PRLR: variants seen among roughly 807,000 people sequenced by gnomAD.
PRLR encodes prolactin receptor.
A neutral mutation model predicts 40.2 loss-of-function variants in PRLR; 13 were observed. That is an observed-to-expected ratio of 0.32 (90% CI 0.21 to 0.51). PRLR has a LOEUF of 0.51. Among genes scored for constraint, PRLR ranks in the 20% least tolerant of loss-of-function variants. The probability of loss-of-function intolerance (pLI) is 0.97; values close to 1 mark genes in which losing one functional copy is unlikely to be tolerated. For synonymous variants in PRLR, 269 were observed against 278.7 expected, an observed-to-expected ratio of 0.97 and a Z score of 0.35; for missense variants, 656 against 747.3, an observed-to-expected ratio of 0.88 and a Z score of 1.42.
At chr5:35,229,114 ATT>A (rs1776626325) in intron 1 of PRLR, among the ~76,000 whole-genome samples, 1 of 147,836 alleles carries the variant, frequency 6.8e-6, no homozygotes, top group South Asian at 2.1e-4. Flanking sequence ...TTATATATAT[ATT>A]ATATATATTT....
At chr5:35,096,258 A>G (rs1215397031) in intron 2 of PRLR, among the ~76,000 whole-genome samples, 1 of 152,370 alleles carries the variant, frequency 6.6e-6, no homozygotes, top group East Asian at 1.9e-4. Context: ...TATTGCTTCC[A>G]AATCTAATCA....
chr5:35,136,115 T>C (rs886510714), intron 1 of PRLR, among the ~76,000 whole-genome samples: 2 of 152,166 alleles, frequency 1.3e-5, no homozygotes, highest in East Asian at 3.8e-4. Flanking sequence ...AGAATGAACA[T>C]AGAATACAAC....
chr5:35,224,788 G>T (rs555006368), intron 1 of PRLR, among the ~76,000 whole-genome samples: 1 of 152,296 alleles, frequency 6.6e-6, no homozygotes, highest in South Asian at 2.1e-4. Flanking sequence ...CAGAATCCAG[G>T]TCTTTGCTCT....
intron 2 of PRLR, among the ~76,000 whole-genome samples, chr5:35,109,911 T>G (rs966818756): frequency 1.3e-5 from 2 of 152,190 alleles, no homozygotes; most frequent in African/African-American, 4.8e-5. Flanking sequence ...TAAAGACACA[T>G]GCACACATAT....
chr5:35,194,845 A>G (rs1439350494), intron 1 of PRLR, among the ~76,000 whole-genome samples: 5 of 152,236 alleles, frequency 3.3e-5, no homozygotes, highest in African/African-American at 4.8e-5. Context: ...GTCATTATAC[A>G]TTTGTTAAAA....
intron 2 of PRLR, among the ~76,000 whole-genome samples, chr5:35,095,417 G>C (rs1771471923): frequency 6.6e-6 from 1 of 152,202 alleles, no homozygotes; most frequent in Non-Finnish European, 1.5e-5. Context: ...CTTACAGCCA[G>C]CATAGTTTTC....
chr5:35,166,347 C>T (rs932598139), intron 1 of PRLR, among the ~76,000 whole-genome samples: 1 of 152,122 alleles, frequency 6.6e-6, no homozygotes, highest in African/African-American at 2.4e-5. Context: ...CTTTGGATAG[C>T]ATGGCTTGTT....
Position 35,056,276 on chromosome 5 carries a change from C to A in PRLR, c.*8813G>T, listed in dbSNP as rs1303082605. On this transcript the variant is annotated 3_prime_UTR_variant, in exon 10 of 10. Transcript: ENST00000618457. ...TTGGGACTTCCAAGGTAGAATACAT[C>A]TGACAATATCAAAAACAGACTCAGT... is the stretch of plus-strand genomic sequence containing the variant. The A allele has an allele frequency of 1.3e-5, 2 of 152,082 alleles. No homozygotes were observed. The highest frequency in any genetic ancestry group is 2.9e-5 in the Non-Finnish European group (2 of 68,024). The allele number at this position is 152,082 out of a possible 1,614,324, so 9.4% of individuals were successfully genotyped here.
intron 1 of PRLR, among the ~76,000 whole-genome samples, chr5:35,167,178 T>TATCTATCTATC (rs1161076002): frequency 3.3e-5 from 5 of 149,972 alleles, no homozygotes; most frequent in African/African-American, 9.7e-5. Flanking sequence ...TCTATCTATC[T>TATCTATCTATC]ATCTATCTAT....
intron 1 of PRLR, among the ~76,000 whole-genome samples, chr5:35,193,406 A>G (rs1406790146): frequency 2.6e-5 from 4 of 152,320 alleles, no homozygotes; most frequent in Middle Eastern, 6.8e-3. Flanking sequence ...AAAGCACTCT[A>G]TCATCTTACT....
intron 1 of PRLR, among the ~76,000 whole-genome samples, chr5:35,157,510 G>A (rs903580323): frequency 6.6e-6 from 1 of 152,142 alleles, no homozygotes; most frequent in African/African-American, 2.4e-5. Flanking sequence ...GGTTGCTTAT[G>A]CCATATTCAA....
intron 1 of PRLR, among the ~76,000 whole-genome samples, chr5:35,220,297 A>G (rs1268503873): frequency 6.6e-6 from 1 of 152,032 alleles, no homozygotes; most frequent in Non-Finnish European, 1.5e-5. Context: ...TCCAGCCACA[A>G]TGGTCTCATT....
intron 1 of PRLR, among the ~76,000 whole-genome samples, chr5:35,227,951 C>T (rs1776592241): frequency 1.3e-5 from 2 of 152,204 alleles, no homozygotes; most frequent in Non-Finnish European, 1.5e-5. Flanking sequence ...CTTTACTTGC[C>T]GGCAATACAT....
intron 2 of PRLR, among the ~76,000 whole-genome samples, chr5:35,107,351 G>C (rs1772329415): frequency 6.6e-6 from 1 of 152,136 alleles, no homozygotes; most frequent in Non-Finnish European, 1.5e-5. Context: ...TCAAAAGCTA[G>C]CAGAAGGCAA....
At chr5:35,109,182 G>A (rs1183226506) in intron 2 of PRLR, among the ~76,000 whole-genome samples, 1 of 152,152 alleles carries the variant, frequency 6.6e-6, no homozygotes, top group African/African-American at 2.4e-5. Context: ...AGTTGAAACT[G>A]GATCCCTTCC....
chr5:35,165,699 G>T (rs1774803660), intron 1 of PRLR, among the ~76,000 whole-genome samples: 3 of 152,268 alleles, frequency 2.0e-5, no homozygotes, highest in Admixed American at 2.0e-4. Context: ...TACAGAAGAG[G>T]CTAATTCTTA....
chr5:35,199,001 G>A (rs1402568886), intron 1 of PRLR, among the ~76,000 whole-genome samples: 2 of 152,212 alleles, frequency 1.3e-5, no homozygotes, highest in Non-Finnish European at 2.9e-5. Flanking sequence ...AGCTGAAGAT[G>A]GATTTCTGGC....
intron 1 of PRLR, among the ~76,000 whole-genome samples, chr5:35,209,476 G>A (rs570120721): frequency 1.3e-5 from 2 of 152,210 alleles, no homozygotes; most frequent in South Asian, 2.1e-4. Flanking sequence ...AATCCAAAGA[G>A]TACTTAAGAC....
chr5:35,162,574 T>C (rs1369697983), intron 1 of PRLR, among the ~76,000 whole-genome samples: 3 of 152,316 alleles, frequency 2.0e-5, no homozygotes, highest in South Asian at 2.1e-4. Context: ...TCCGAAGAGA[T>C]TGCTACTTGG....
Sources: gnomAD v4.1 joint callset for allele counts (sites outside exome capture counted in the v4.1 genomes callset) on GRCh38, gnomAD v4.1.1 for gene constraint, MANE v1.5 for transcripts, NCBI Gene and HGNC (gene_info 2026-07-23, HGNC 2026-07-21) for gene names.